LINGO2: variants seen among roughly 807,000 people sequenced by gnomAD.
The protein encoded by LINGO2 is leucine-rich repeat and immunoglobulin-like domain-containing nogo receptor-interacting protein 2.
A neutral mutation model predicts 30.6 loss-of-function variants in LINGO2; 14 were observed. The ratio of observed to expected loss-of-function variants is 0.46; its 90% CI spans 0.30 to 0.72. LINGO2 has a LOEUF of 0.72. LINGO2 is among the 30% of genes least tolerant of loss of function. The probability of loss-of-function intolerance (pLI) is 0.07; values close to 1 mark genes in which losing one functional copy is unlikely to be tolerated. For missense variants in LINGO2, 729 were observed against 751.7 expected (o/e 0.97, Z 0.35); for synonymous variants, 317 against 288.5 (o/e 1.10, Z -1.00).
chr9:28,477,929 C>A (rs1159063654), intron 1 of LINGO2, among the ~76,000 whole-genome samples: 1 of 152,056 alleles, frequency 6.6e-6, no homozygotes, highest in Non-Finnish European at 1.5e-5. Flanking sequence ...TCCATTTTTC[C>A]ACTAACTCAT....
At chr9:28,930,913 C>T in the LINGO2 span, among the ~76,000 whole-genome samples, 3 of 152,136 alleles carry the variant, frequency 2.0e-5, no homozygotes, top group East Asian at 5.8e-4. This position sits in a 1 kb window ranked among gnomAD's most constrained non-coding sequence, Gnocchi z 4.2. Context: ...TACTCTACTG[C>T]TTTTCATTAT....
At chr9:28,836,137 G>A in the LINGO2 span, among the ~76,000 whole-genome samples, 1 of 152,090 alleles carries the variant, frequency 6.6e-6, no homozygotes, top group African/African-American at 2.4e-5. Context: ...TCCAAACTGC[G>A]GAGTAAGAAA....
chr9:28,865,504 C>T, the LINGO2 span, among the ~76,000 whole-genome samples: 8 of 152,134 alleles, frequency 5.3e-5, no homozygotes, highest in East Asian at 3.9e-4. Context: ...TCACCCTGGC[C>T]GGGTGTGGTG....
intron 4 of LINGO2, among the ~76,000 whole-genome samples, chr9:28,159,353 T>C (rs934274813): frequency 6.6e-5 from 10 of 152,180 alleles, no homozygotes; most frequent in Admixed American, 6.5e-4. Flanking sequence ...TGTAACTAGT[T>C]CTTTGTTTCA....
At chr9:28,288,685 C>T (rs764096724) in intron 4 of LINGO2, among the ~76,000 whole-genome samples, 14 of 152,234 alleles carry the variant, frequency 9.2e-5, no homozygotes, top group Non-Finnish European at 1.9e-4. Flanking sequence ...AACAAATATG[C>T]AGCCAGAAAG....
At chr9:28,052,686 G>A (rs1824731101) in intron 4 of LINGO2, among the ~76,000 whole-genome samples, 1 of 152,028 alleles carries the variant, frequency 6.6e-6, no homozygotes, top group African/African-American at 2.4e-5. Context: ...TAAGCTTTCT[G>A]GCAGTTAGGG....
chr9:28,406,352 G>C (rs10968567), intron 2 of LINGO2, among the ~76,000 whole-genome samples: 83,475 of 151,862 alleles, frequency 0.55, 25,121 homozygotes, highest in Non-Finnish European at 0.68. Flanking sequence ...AGAATTGCTT[G>C]AATTCAGGGG....
chr9:28,635,470 G>A (rs1183569563), intron 1 of LINGO2, among the ~76,000 whole-genome samples: 2 of 152,110 alleles, frequency 1.3e-5, no homozygotes, highest in African/African-American at 4.8e-5. Context: ...AAAGTGTAGA[G>A]AGTATTCAGA....
chr9:28,621,387 T>C (rs1248026000), intron 1 of LINGO2, among the ~76,000 whole-genome samples: 1 of 151,754 alleles, frequency 6.6e-6, no homozygotes, highest in Non-Finnish European at 1.5e-5. Flanking sequence ...TTCCAAAATG[T>C]TTTCTCCTAC....
At position 28,130,765 on chromosome 9, in the gene LINGO2, C is replaced by G. The variant is rs1827357947; in HGVS notation, c.-86-118360G>C. On this transcript the variant is annotated intron_variant, in intron 4 of 5. Transcript: ENST00000379992. This position sits in a 1 kb window ranked among gnomAD's most constrained non-coding sequence, Gnocchi z 5.2. ...TGTTCTTATTATATTATCAGATATT[C>G]TGGGCCAAATGTGCAGAAATGGAAA... Among the ~76,000 whole-genome samples, 1 of 152,086 alleles carries G rather than the reference C, an allele frequency of 6.6e-6. No individual in the cohort carries two copies. Among genetic ancestry groups the G allele is most frequent in the Admixed American group, 6.6e-5 (1 of 15,252 alleles).
At chr9:28,089,684 A>G (rs1826018220) in intron 4 of LINGO2, among the ~76,000 whole-genome samples, 1 of 152,200 alleles carries the variant, frequency 6.6e-6, no homozygotes, top group Non-Finnish European at 1.5e-5. Context: ...CACATTCAAA[A>G]GCTAGCAGAA....
chr9:28,356,168 T>TC (rs1820200975), intron 3 of LINGO2, among the ~76,000 whole-genome samples: 1 of 152,284 alleles, frequency 6.6e-6, no homozygotes, highest in Middle Eastern at 3.4e-3. Flanking sequence ...GATATTTGCT[T>TC]CTGGCTATTA....
In LINGO2 at chr9:28,487,723, G is replaced by T. The variant is rs555247479; in HGVS notation, c.-364-11698C>A. On this transcript the variant is annotated intron_variant, in intron 1 of 5. Transcript: ENST00000379992. ...GTGACACCTTAGGCCTGAGAATGCT[G>T]CTAGCTACATTCAGACTTGATCCTA... Among the ~76,000 whole-genome samples the T allele has an allele frequency of 8.5e-5, 13 of 152,258 alleles. 1 individual carries two copies. The South Asian group carries it at 2.7e-3, about 32-fold the overall frequency.
chr9:29,083,544 C>T, the LINGO2 span, among the ~76,000 whole-genome samples: 1 of 151,606 alleles, frequency 6.6e-6, no homozygotes, highest in Non-Finnish European at 1.5e-5. Flanking sequence ...AACAAACCTG[C>T]ACATTGTGCA....
chr9:28,722,018 A>G, the LINGO2 span, among the ~76,000 whole-genome samples: 8 of 152,036 alleles, frequency 5.3e-5, no homozygotes, highest in Non-Finnish European at 7.4e-5. Context: ...ATAAAAACCA[A>G]ACAGCCCAAA....
Position 28,059,344 on chromosome 9 carries a change from A to G in LINGO2, c.-86-46939T>C, listed in dbSNP as rs529090515. On this transcript the variant is annotated intron_variant, in intron 4 of 5. Transcript: ENST00000379992. ...CTCGGGGCCTTCACAACCTCCATAC[A>G]CTAGTGATGCCCCCCCACCCCACCG... 4.6e-5 allele frequency among the ~76,000 whole-genome samples: 7 copies of G among 152,022 alleles called. No individual in the cohort carries two copies. The East Asian group carries it at 1.2e-3, about 25-fold the overall frequency.
the LINGO2 span, among the ~76,000 whole-genome samples, chr9:28,905,459 AT>A: frequency 6.6e-6 from 1 of 151,966 alleles, no homozygotes; most frequent in East Asian, 1.9e-4. Context: ...AAGAAAAAAA[AT>A]AATGTGACTA....
exon 6 of LINGO2, chr9:27,949,609 T>G: frequency 6.2e-7 from 1 of 1,614,024 alleles, no homozygotes; most frequent in Non-Finnish European, 8.5e-7. Flanking sequence ...GCCAGAGGGT[T>G]GTTGTTAATG....
intron 1 of LINGO2, among the ~76,000 whole-genome samples, chr9:28,619,652 T>C (rs1251534464): frequency 6.6e-6 from 1 of 152,134 alleles, no homozygotes; most frequent in African/African-American, 2.4e-5. Context: ...CAATGTTGTT[T>C]AGGCTTTCTT....
Sources: gnomAD v4.1 joint callset for allele counts (sites outside exome capture counted in the v4.1 genomes callset) on GRCh38, gnomAD v4.1.1 for gene constraint, Gnocchi (gnomAD v3.1) non-coding constraint, MANE v1.5 for transcripts, NCBI Gene and HGNC (gene_info 2026-07-23, HGNC 2026-07-21) for gene names.